Variants in DCLK2 observed in about 807,000 individuals in gnomAD.
DCLK2 encodes doublecortin like kinase 2.
DCLK2 carries 31 observed loss-of-function variants against 78.4 expected under a neutral mutation model. That is an observed-to-expected ratio of 0.40 (90% CI 0.30 to 0.53). The LOEUF (loss-of-function observed/expected upper bound fraction) is 0.53. Ranked by LOEUF, DCLK2 falls within the 20% of genes least tolerant of loss-of-function variation. The probability of loss-of-function intolerance (pLI) is 0.61; values close to 1 mark genes in which losing one functional copy is unlikely to be tolerated. For missense variants in DCLK2, 872 were observed against 973.7 expected, an observed-to-expected ratio of 0.90 and a Z score of 1.39; for synonymous variants, 407 against 374.9, an observed-to-expected ratio of 1.09 and a Z score of -0.99.
At chr4:150,096,846 C>T (rs1730502230) in intron 1 of DCLK2, among the ~76,000 whole-genome samples, 1 of 152,238 alleles carries the variant, frequency 6.6e-6, no homozygotes, top group Non-Finnish European at 1.5e-5. Flanking sequence ...AGTGGAAAAA[C>T]AGATGAGGAC....
chr4:150,241,903 A>G lies in DCLK2; in HGVS notation c.1778+1427A>G, dbSNP rs139752616. On this transcript the variant is annotated intron_variant, in intron 12 of 15. Transcript: ENST00000296550. The stretch of plus-strand genomic sequence containing the variant: ...TGGCTGCCCAAAGGTCCCATCTCCT[A>G]CTACCATCACATTGGGCATTAGGTT... Among the ~76,000 whole-genome samples the G allele has an allele frequency of 1.9e-3, 294 of 152,292 alleles. 3 individuals are homozygous for G. Among genetic ancestry groups the G allele is most frequent in the African/African-American group, 6.7e-3 (280 of 41,562 alleles).
At chr4:150,204,557 A>G (rs1022459650) in intron 5 of DCLK2, among the ~76,000 whole-genome samples, 2 of 152,210 alleles carry the variant, frequency 1.3e-5, no homozygotes, top group African/African-American at 4.8e-5. Flanking sequence ...TTAGAAGAGA[A>G]AATTTGCCTG....
intron 2 of DCLK2, among the ~76,000 whole-genome samples, chr4:150,171,772 A>G (rs572862219): frequency 1.1e-4 from 16 of 152,308 alleles, no homozygotes; most frequent in African/African-American, 3.8e-4. Flanking sequence ...AATAGTGTCA[A>G]ATAGCATTAC....
intron 4 of DCLK2, 97 bp downstream of exon 4, chr4:150,198,200 C>A: frequency 1.9e-6 from 2 of 1,040,620 alleles, no homozygotes; most frequent in Non-Finnish European, 2.7e-6. Context: ...TTGCCAGGGT[C>A]GTATGCAGCC....
At chr4:150,156,389 A>G (rs1473952516) in intron 2 of DCLK2, among the ~76,000 whole-genome samples, 1 of 152,112 alleles carries the variant, frequency 6.6e-6, no homozygotes, top group South Asian at 2.1e-4. Flanking sequence ...GCTCACGCCT[A>G]TAATCTTAGC....
At chr4:150,123,161 C>A (rs1732686432) in intron 2 of DCLK2, among the ~76,000 whole-genome samples, 1 of 152,182 alleles carries the variant, frequency 6.6e-6, no homozygotes, top group Admixed American at 6.5e-5. Context: ...CATAACTCAA[C>A]TGTTTGGGGG....
At chr4:150,148,765 G>C (rs1734663232) in intron 2 of DCLK2, among the ~76,000 whole-genome samples, 1 of 152,046 alleles carries the variant, frequency 6.6e-6, no homozygotes, top group Admixed American at 6.6e-5. Flanking sequence ...AGGCGTGGTG[G>C]CTCACGCCAG....
At chr4:150,219,379 T>C (rs1439314265) in intron 5 of DCLK2, among the ~76,000 whole-genome samples, 3 of 151,180 alleles carry the variant, frequency 2.0e-5, no homozygotes, top group Non-Finnish European at 4.4e-5. Context: ...GCGATTCTTA[T>C]GCCTCCCAGG....
chr4:150,197,540 G>A (rs971289845), intron 3 of DCLK2, among the ~76,000 whole-genome samples: 10 of 152,186 alleles, frequency 6.6e-5, no homozygotes, highest in African/African-American at 2.2e-4. Context: ...TACCGCCTGA[G>A]GTCAGGAGTT....
At chr4:150,200,471 TTTATCTGTATAGTGC>T (rs879476188) in intron 4 of DCLK2, among the ~76,000 whole-genome samples, 2 of 152,224 alleles carry the variant, frequency 1.3e-5, no homozygotes, top group African/African-American at 2.4e-5. Flanking sequence ...AGCTACTATA[TTTATCTGTATAGTGC>T]TTATCTGTAT....
In DCLK2 at chr4:150,079,239, C is replaced by G; in HGVS notation, c.212C>G (p.Ala71Gly). 1 of 1,609,514 alleles carries G rather than the reference C, an allele frequency of 6.2e-7. No homozygotes were observed. The highest frequency in any genetic ancestry group is 8.5e-7 in the Non-Finnish European group (1 of 1,178,130). Reference protein sequence around the residue: ...TLQALSSEKKAKKARFYRNGD... With the variant: ...TLQALSSEKKGKKARFYRNGD... ...CAGGCCCTCAGCTCGGAGAAGAAGG[C>G]CAAGAAGGCGCGCTTCTACCGGAAC... Residue 71 changes from alanine to glycine, a missense_variant, in exon 1 of 16, where the codon GCC becomes GGC. By Grantham distance (60) the Ala-to-Gly change is moderately conservative. Around this residue, in one of 3 missense-constraint regions of DCLK2, gnomAD observed 567 missense variants for 593.4 expected, o/e 0.96. Coordinates refer to ENST00000296550, the MANE Select transcript of DCLK2 (RefSeq NM_001040260.4).
At chr4:150,247,504 CAG>C in intron 12 of DCLK2, 97 bp from the exon 13 acceptor site, 1 of 921,972 alleles carries the variant, frequency 1.1e-6, no homozygotes, top group Middle Eastern at 2.2e-4. Context: ...AAGTCAAAGC[CAG>C]AGACTGGACT....
intron 2 of DCLK2, among the ~76,000 whole-genome samples, chr4:150,135,623 C>T (rs1210155133): frequency 1.3e-5 from 2 of 152,204 alleles, no homozygotes; most frequent in Non-Finnish European, 2.9e-5. Flanking sequence ...ACCTAACCCA[C>T]ACTTAGCAGG....
At chr4:150,223,262 A>T (rs1166890275) in intron 7 of DCLK2, among the ~76,000 whole-genome samples, 1 of 152,178 alleles carries the variant, frequency 6.6e-6, no homozygotes, top group Non-Finnish European at 1.5e-5. Context: ...TAGGGAGAAC[A>T]ATTTAAGGAC....
intron 15 of DCLK2, among the ~76,000 whole-genome samples, chr4:150,254,077 A>T (rs559373405): frequency 3.3e-4 from 50 of 152,328 alleles, no homozygotes; most frequent in Middle Eastern, 6.8e-3. Flanking sequence ...AGGACAGAGC[A>T]GGGTGCATGC....
chr4:150,169,127 A>T (rs1736316240), intron 2 of DCLK2, among the ~76,000 whole-genome samples: 1 of 151,546 alleles, frequency 6.6e-6, no homozygotes, highest in Non-Finnish European at 1.5e-5. Flanking sequence ...CTTAAGGCAC[A>T]GTCTTTTACC....
At chr4:150,214,313 C>T (rs973592469) in intron 5 of DCLK2, among the ~76,000 whole-genome samples, 1 of 152,176 alleles carries the variant, frequency 6.6e-6, no homozygotes, top group Non-Finnish European at 1.5e-5. Context: ...ACTTGGGATT[C>T]AGATTGACAA....
At chr4:150,112,546 G>A (rs760695390) in intron 2 of DCLK2, among the ~76,000 whole-genome samples, 3 of 152,274 alleles carry the variant, frequency 2.0e-5, no homozygotes, top group Admixed American at 6.5e-5. Flanking sequence ...TCAGTATAAT[G>A]TTGGCTGTGG....
chr4:150,164,272 A>G (rs1735908811), intron 2 of DCLK2, among the ~76,000 whole-genome samples: 1 of 152,356 alleles, frequency 6.6e-6, no homozygotes, highest in Middle Eastern at 3.4e-3. Context: ...CCCATGCCCC[A>G]GAGTCTGATT....
Sources: gnomAD v4.1 joint callset for allele counts (sites outside exome capture counted in the v4.1 genomes callset) on GRCh38, gnomAD v4.1.1 for gene constraint, gnomAD v4.1.1 regional missense constraint, MANE v1.5 for transcripts, NCBI Gene and HGNC (gene_info 2026-07-23, HGNC 2026-07-21) for gene names.